The following ORC5 variants were observed in gnomAD, a reference collection of about 807,000 sequenced individuals.
The protein encoded by ORC5 is protein phosphatase 1, regulatory subunit 117.
In ORC5, 39 loss-of-function variants were observed where a neutral mutation model predicts 58.8. The ratio of observed to expected loss-of-function variants is 0.66; its 90% CI spans 0.51 to 0.87. The LOEUF is 0.87. Ranked by LOEUF, ORC5 falls within the 40% of genes least tolerant of loss-of-function variation. ORC5 has a pLI of 0.00. For missense variants in ORC5, 493 were observed against 506.3 expected (o/e 0.97, Z 0.25); for synonymous variants, 218 against 177.6 (o/e 1.23, Z -1.81).
chr7:104,189,556 T>A (rs547068635), intron 5 of ORC5, among the ~76,000 whole-genome samples: 1 of 152,076 alleles, frequency 6.6e-6, no homozygotes, highest in Non-Finnish European at 1.5e-5. Flanking sequence ...ACTGAATCCA[T>A]GACCAATGAC....
chr7:104,207,961 G>A lies in ORC5; in HGVS notation c.-57C>T, dbSNP rs540156801. On this transcript the variant is annotated 5_prime_UTR_variant, in exon 1 of 14. Transcript: ENST00000297431. ...GCCAGCCCACAGGACCCTTGCACAAGACGGAGCCTCTCCCGAGTCTGGCGG... is the reference window on the plus strand; with the variant it reads ...GCCAGCCCACAGGACCCTTGCACAAAACGGAGCCTCTCCCGAGTCTGGCGG... 456 of 1,527,012 alleles carry A rather than the reference G, an allele frequency of 3.0e-4. No homozygotes were observed. In the African/African-American group the frequency reaches 5.4e-3, roughly 18 times the overall value. The allele number at this position is 1,527,012 out of a possible 1,614,324, so 94.6% of individuals were successfully genotyped here. A position where few individuals can be genotyped will look rare whatever the true frequency, so the allele number is the denominator to read the frequency against.
chr7:104,152,928 TAG>T (rs1215640792), intron 12 of ORC5, among the ~76,000 whole-genome samples: 4 of 152,214 alleles, frequency 2.6e-5, no homozygotes, highest in Admixed American at 2.6e-4. Flanking sequence ...TTCATTTTTC[TAG>T]AGTTCAGTAA....
chr7:104,162,285 A>G (rs1208416646), intron 11 of ORC5, among the ~76,000 whole-genome samples: 1 of 152,168 alleles, frequency 6.6e-6, no homozygotes, highest in Non-Finnish European at 1.5e-5. Flanking sequence ...TGATTCTCGT[A>G]TCTCAGCCAC....
rs138909974 is a variant in ORC5 at position 104,183,950 on chromosome 7, T to C, written c.817A>G (p.Ile273Val). The C allele has an allele frequency of 1.3e-4, 210 of 1,605,242 alleles. No individual in the cohort carries two copies. The Admixed American group carries it at 1.5e-3, about 12-fold the overall frequency. Residue 273 changes from isoleucine to valine, a missense_variant, in exon 8 of 14, where the codon ATA becomes GTA. Around this residue, in one of 3 missense-constraint regions of ORC5, gnomAD observed 412 missense variants for 403.7 expected, o/e 1.02. Coordinates refer to ENST00000297431, the MANE Select transcript of ORC5 (RefSeq NM_002553.4). ...KAMQTVYLRE[I>V]SSSQWEKLQK... ...TACTAAATAGAAAATTACCTTGATATTTCCCTGAGATAAACAGTCTGCATA... is the reference window on the plus strand; with the variant it reads ...TACTAAATAGAAAATTACCTTGATACTTCCCTGAGATAAACAGTCTGCATA...
chr7:104,200,096 A>G (rs1799902338), intron 3 of ORC5, among the ~76,000 whole-genome samples: 1 of 152,310 alleles, frequency 6.6e-6, no homozygotes, highest in Admixed American at 6.5e-5. Context: ...CTGAACTGTA[A>G]GTCAATTAAA....
chr7:104,136,292 C>T lies in ORC5; in HGVS notation c.1262+489G>A, dbSNP rs1798586817. Among the ~76,000 whole-genome samples the T allele has an allele frequency of 2.6e-5, 4 of 152,004 alleles. No individual in the cohort carries two copies. The highest frequency in any genetic ancestry group is 2.6e-4 in the Admixed American group (4 of 15,244). The stretch of plus-strand genomic sequence containing the variant: ...CTTCAGTATGTATCCATTTGTCTCT[C>T]TGAAAACTCTAAACACAGCACAGCA... On this transcript the variant is annotated intron_variant, in intron 13 of 13. Transcript: ENST00000297431. This position sits in a 1 kb window ranked among gnomAD's most constrained non-coding sequence, Gnocchi z 4.2.
At chr7:104,164,225 G>A (rs948846740) in intron 11 of ORC5, among the ~76,000 whole-genome samples, 2 of 151,996 alleles carry the variant, frequency 1.3e-5, no homozygotes, top group African/African-American at 4.8e-5. Context: ...CGAACTCCTG[G>A]GCTTAGATGA....
At chr7:104,154,219 T>C (rs1798889281) in intron 12 of ORC5, among the ~76,000 whole-genome samples, 1 of 152,082 alleles carries the variant, frequency 6.6e-6, no homozygotes, top group Non-Finnish European at 1.5e-5. Flanking sequence ...CTGACACCAA[T>C]GTCATAACTA....
chr7:104,166,647 T>A, intron 10 of ORC5, 125 bp downstream of exon 10: 3 of 608,830 alleles, frequency 4.9e-6, no homozygotes, highest in South Asian at 2.1e-5. Flanking sequence ...AAAGAATGAG[T>A]CCTAAATACA....
intron 12 of ORC5, among the ~76,000 whole-genome samples, chr7:104,157,894 C>G (rs1365171564): frequency 6.6e-6 from 1 of 152,112 alleles, no homozygotes; most frequent in Non-Finnish European, 1.5e-5. Flanking sequence ...ACCAGGGTGA[C>G]AGTTCACAGG....
intron 8 of ORC5, among the ~76,000 whole-genome samples, chr7:104,177,437 TTTC>T (rs1799345247): frequency 6.6e-6 from 1 of 152,120 alleles, no homozygotes; most frequent in South Asian, 2.1e-4. Context: ...TGTGACAAAA[TTTC>T]TTGCTTCCTA....
chr7:104,126,816 T>G lies in ORC5; in HGVS notation c.*32A>C. 6.5e-7 allele frequency: 1 copy of G among 1,548,386 alleles called. No homozygotes were observed. The highest frequency in any genetic ancestry group is 8.9e-7 in the Non-Finnish European group (1 of 1,125,462). ...TGAACACAGCTTGGCTTAGTCATTG[T>G]CACAGTGTCCATATGGCTTTGAAGC... On this transcript the variant is annotated 3_prime_UTR_variant, in exon 14 of 14. Transcript: ENST00000297431.
At chr7:104,204,066 G>C (rs1800012745) in intron 2 of ORC5, 76 bp downstream of exon 2, 2 of 705,406 alleles carry the variant, frequency 2.8e-6, no homozygotes, top group Non-Finnish European at 2.3e-6. Flanking sequence ...TTTTGCATTT[G>C]TGGAGATTCA....
rs963617870 is a variant in ORC5 at position 104,129,910 on chromosome 7, C to T, written c.1263-3017G>A. On this transcript the variant is annotated intron_variant, in intron 13 of 13. Coordinates refer to ENST00000297431, the MANE Select transcript of ORC5 (RefSeq NM_002553.4). This position sits in a 1 kb window ranked among gnomAD's most constrained non-coding sequence, Gnocchi z 4.9. ...AATCAGAATTTAGAATACGTTAATA[C>T]AACTTAATTATATGGCATATATTTA... Among the ~76,000 whole-genome samples the T allele has an allele frequency of 1.3e-5, 2 of 152,166 alleles. No homozygotes were observed. The highest frequency in any genetic ancestry group is 4.8e-5 in the African/African-American group (2 of 41,440).
chr7:104,168,865 T>C (rs1442271701), intron 8 of ORC5, among the ~76,000 whole-genome samples: 1 of 152,126 alleles, frequency 6.6e-6, no homozygotes, highest in African/African-American at 2.4e-5. Context: ...GAGGATCACA[T>C]GAGGCCAGGA....
intron 1 of ORC5, among the ~76,000 whole-genome samples, chr7:104,205,530 C>T (rs1800058272): frequency 6.6e-6 from 1 of 152,156 alleles, no homozygotes; most frequent in Non-Finnish European, 1.5e-5. Flanking sequence ...CTAAGTTAAA[C>T]ATTTCCTTTT....
chr7:104,128,578 G>C (rs1251995044), intron 13 of ORC5, among the ~76,000 whole-genome samples: 1 of 151,532 alleles, frequency 6.6e-6, no homozygotes, highest in East Asian at 1.9e-4. Context: ...CAATGTGCAG[G>C]TTAGTTACAT....
rs1265323721 is a variant in ORC5, at chr7:104,136,731, A to G, written c.1262+50T>C. 8.2e-7 allele frequency: 1 copy of G among 1,221,002 alleles called. No individual in the cohort carries two copies. The highest frequency in any genetic ancestry group is 1.2e-6 in the Non-Finnish European group (1 of 830,876). 75.6% of individuals were successfully genotyped at this position (1,221,002 alleles called of 1,614,324 possible). ...TGACTAATGACATCACATTTGGAAA[A>G]CACTAATTTTTATATTTAGTATATC... On this transcript the variant is annotated intron_variant, in intron 13 of 13. Transcript: ENST00000297431. The surrounding 1 kb of genome is among the most constrained non-coding windows in gnomAD (Gnocchi z 4.2).
At chr7:104,181,670 T>C (rs1282248597) in intron 8 of ORC5, among the ~76,000 whole-genome samples, 1 of 151,650 alleles carries the variant, frequency 6.6e-6, no homozygotes, top group Non-Finnish European at 1.5e-5. Flanking sequence ...TGGGCACCTG[T>C]AGTCCTAGCT....
Sources: gnomAD v4.1 joint callset for allele counts (sites outside exome capture counted in the v4.1 genomes callset) on GRCh38, gnomAD v4.1.1 for gene constraint, gnomAD v4.1.1 regional missense constraint, Gnocchi (gnomAD v3.1) non-coding constraint, MANE v1.5 for transcripts, NCBI Gene and HGNC (gene_info 2026-07-23, HGNC 2026-07-21) for gene names.